FSTL5: variants seen among roughly 807,000 people sequenced by gnomAD.
FSTL5 encodes the protein follistatin like 5, also known as follistatin-related protein 5.
A neutral mutation model predicts 89.1 loss-of-function variants in FSTL5; 62 were observed. The ratio of observed to expected loss-of-function variants is 0.70; its 90% CI spans 0.57 to 0.86. The LOEUF is 0.86. Ranked by LOEUF, FSTL5 falls within the 40% of genes least tolerant of loss-of-function variation. The pLI is 0.00. For synonymous variants in FSTL5, 383 were observed against 346.2 expected, an observed-to-expected ratio of 1.11 and a Z score of -1.18; for missense variants, 1,057 against 1,001.6, an observed-to-expected ratio of 1.06 and a Z score of -0.75.
intron 15 of FSTL5, among the ~76,000 whole-genome samples, chr4:161,423,405 T>C (rs1483743910): frequency 6.6e-6 from 1 of 152,116 alleles, no homozygotes; most frequent in African/African-American, 2.4e-5. Context: ...ATGAGAAAAA[T>C]CCTCTCAATT....
intron 5 of FSTL5, among the ~76,000 whole-genome samples, chr4:161,764,897 A>G (rs1000899485): frequency 6.6e-6 from 1 of 152,210 alleles, no homozygotes; most frequent in Non-Finnish European, 1.5e-5. Flanking sequence ...TGTTACGAAC[A>G]GCGCTTAAAA....
intron 6 of FSTL5, among the ~76,000 whole-genome samples, chr4:161,737,379 C>T (rs761477442): frequency 1.3e-5 from 2 of 151,840 alleles, no homozygotes; most frequent in Non-Finnish European, 2.9e-5. Flanking sequence ...AAATTTGATC[C>T]TATAAAATCG....
At chr4:161,986,017 C>T (rs1735953882) in intron 3 of FSTL5, among the ~76,000 whole-genome samples, 2 of 152,104 alleles carry the variant, frequency 1.3e-5, no homozygotes, top group African/African-American at 4.8e-5. Flanking sequence ...TATAAAAATT[C>T]CATGTAGACA....
intron 13 of FSTL5, among the ~76,000 whole-genome samples, chr4:161,472,730 CTTT>C (rs70937653): frequency 5.7e-5 from 8 of 139,994 alleles, no homozygotes; most frequent in Non-Finnish European, 3.1e-5. Flanking sequence ...TTATATGTAA[CTTT>C]TTTTTTTTTT....
In FSTL5 at chr4:161,538,138, G is replaced by A. The variant is rs1180655228; in HGVS notation, c.1312+28C>T. On this transcript the variant is annotated intron_variant, in intron 10 of 15. Coordinates refer to ENST00000306100, the MANE Select transcript of FSTL5 (RefSeq NM_020116.5). ...AAAAAGTACGTTGAATATGGTGTGT[G>A]TGTGCTGTTGGGTGGTTCTATACAT... 5 of 1,610,714 alleles carry A rather than the reference G, an allele frequency of 3.1e-6. No individual in the cohort carries two copies. In the Admixed American group the frequency reaches 5.0e-5, roughly 16 times the overall value.
chr4:161,808,384 T>C (rs1320762363), intron 4 of FSTL5, among the ~76,000 whole-genome samples: 5 of 152,124 alleles, frequency 3.3e-5, no homozygotes, highest in Admixed American at 2.0e-4. Context: ...CAGATAAGTG[T>C]ACACTCATGT....
At chr4:161,803,935 T>A (rs1490205303) in intron 4 of FSTL5, among the ~76,000 whole-genome samples, 1 of 151,998 alleles carries the variant, frequency 6.6e-6, no homozygotes, top group Non-Finnish European at 1.5e-5. Flanking sequence ...TAAGATTAGA[T>A]CTTCTCCTAA....
rs1491313878 is a variant in FSTL5, at chr4:161,872,140, G to GTTTTTTTTTTTTT, written c.409+48263_409+48264insAAAAAAAAAAAAA. ...GGCTTTGTAGTTTGTTTTTTTTTTT[G>GTTTTTTTTTTTTT]GTTTTTTTTTTTTTTTTTGTAGAGA... is the stretch of plus-strand genomic sequence containing the variant. On this transcript the variant is annotated intron_variant, in intron 4 of 15. Transcript: ENST00000306100. 2.2e-4 allele frequency among the ~76,000 whole-genome samples: 15 copies of GTTTTTTTTTTTTT among 67,504 alleles called. 1 individual carries two copies. The highest frequency in any genetic ancestry group is 9.3e-4 in the South Asian group (2 of 2,160). The allele number at this position is 67,504 out of a possible 152,430, so 44.3% of individuals were successfully genotyped here. A position where few individuals can be genotyped will look rare whatever the true frequency, so the allele number is the denominator to read the frequency against.
intron 4 of FSTL5, among the ~76,000 whole-genome samples, chr4:161,857,223 G>GAAA (rs778516116): frequency 6.6e-5 from 10 of 152,082 alleles, no homozygotes; most frequent in Non-Finnish European, 8.8e-5. Context: ...TGATCATGGT[G>GAAA]AAAATGCTGA....
At chr4:162,084,779 A>G (rs553135404) in intron 2 of FSTL5, among the ~76,000 whole-genome samples, 159 of 152,082 alleles carry the variant, frequency 1.0e-3, no homozygotes, top group Non-Finnish European at 1.6e-3. Flanking sequence ...ACCAGGGGGC[A>G]TGTGGCTAGG....
At chr4:161,773,731 C>T (rs1348994210) in intron 5 of FSTL5, among the ~76,000 whole-genome samples, 2 of 152,088 alleles carry the variant, frequency 1.3e-5, no homozygotes, top group Admixed American at 6.6e-5. Context: ...TACTTGTACA[C>T]CGCTGGTGGG....
chr4:161,424,389 A>T (rs566162137), intron 15 of FSTL5, among the ~76,000 whole-genome samples: 2 of 151,826 alleles, frequency 1.3e-5, no homozygotes, highest in Non-Finnish European at 2.9e-5. Flanking sequence ...TAAATGATAT[A>T]ATGTTTTTAA....
intron 12 of FSTL5, among the ~76,000 whole-genome samples, chr4:161,483,266 T>C (rs914307856): frequency 6.6e-6 from 1 of 152,180 alleles, no homozygotes; most frequent in Non-Finnish European, 1.5e-5. Flanking sequence ...TTGAGAGGCA[T>C]GAAGAAGTGG....
At chr4:161,955,429 T>C (rs1199772461) in intron 3 of FSTL5, among the ~76,000 whole-genome samples, 5 of 151,790 alleles carry the variant, frequency 3.3e-5, no homozygotes, top group African/African-American at 4.8e-5. Context: ...GTAAATCTTG[T>C]GCTAAATAAA....
chr4:161,392,136 C>T (rs543003809), intron 15 of FSTL5, among the ~76,000 whole-genome samples: 3 of 152,232 alleles, frequency 2.0e-5, no homozygotes, highest in African/African-American at 7.2e-5. Flanking sequence ...TTCAAAGTGT[C>T]CAGTTGCTTA....
chr4:161,401,519 T>C (rs892869305), intron 15 of FSTL5, among the ~76,000 whole-genome samples: 4 of 152,134 alleles, frequency 2.6e-5, no homozygotes, highest in Non-Finnish European at 5.9e-5. Context: ...TAGTTGTTTA[T>C]TTTTTATTAT....
chr4:161,980,115 G>T (rs995749369), intron 3 of FSTL5, among the ~76,000 whole-genome samples: 6 of 142,752 alleles, frequency 4.2e-5, no homozygotes, highest in South Asian at 2.2e-4. Context: ...GAAGGAAGGA[G>T]AGAAAAGGAA....
Position 161,759,437 on chromosome 4 carries a change from G to C in FSTL5, c.701C>G (p.Ala234Gly). Residue 234 changes from alanine (A) to glycine (G), a missense_variant, in exon 6 of 16, where the codon GCT becomes GGT. Physicochemically the swap from Ala to Gly is moderately conservative, Grantham distance 60. Coordinates refer to ENST00000306100, the MANE Select transcript of FSTL5 (RefSeq NM_020116.5). ...YDDFNADKHL[A>G]LEEFYRAFQV... Reference sequence around the variant, plus strand: ...GAATGCTCTATAAAATTCTTCAAGAGCCAGGTGCTTGTCAGCATTAAAATC... The same window carrying C: ...GAATGCTCTATAAAATTCTTCAAGACCCAGGTGCTTGTCAGCATTAAAATC... 4 of 1,592,764 alleles carry C rather than the reference G, an allele frequency of 2.5e-6. No homozygotes were observed. Among genetic ancestry groups the C allele is most frequent in the Non-Finnish European group, 3.4e-6 (4 of 1,171,210 alleles).
chr4:162,065,354 C>T (rs991101679), intron 2 of FSTL5, among the ~76,000 whole-genome samples: 2 of 151,692 alleles, frequency 1.3e-5, no homozygotes, highest in African/African-American at 4.8e-5. Context: ...AACTCAATAG[C>T]AAAAAAGAAC....
Sources: gnomAD v4.1 joint callset for allele counts (sites outside exome capture counted in the v4.1 genomes callset) on GRCh38, gnomAD v4.1.1 for gene constraint, MANE v1.5 for transcripts, NCBI Gene and HGNC (gene_info 2026-07-23, HGNC 2026-07-21) for gene names.